PACSIN3: variants seen among roughly 807,000 people sequenced by gnomAD.
The protein encoded by PACSIN3 is protein kinase C and casein kinase substrate in neurons 3, also known as protein kinase C and casein kinase substrate in neurons protein 3.
PACSIN3 carries 34 observed loss-of-function variants against 56.1 expected under a neutral mutation model. The observed-to-expected ratio is 0.61, with a 90% CI of 0.46 to 0.81. The LOEUF (loss-of-function observed/expected upper bound fraction) is 0.81. PACSIN3 is among the 30% of genes least tolerant of loss of function. The probability of loss-of-function intolerance (pLI) is 0.00; values close to 1 mark genes in which losing one functional copy is unlikely to be tolerated. For synonymous variants in PACSIN3, 218 were observed against 229.8 expected (o/e 0.95, Z 0.46); for missense variants, 535 against 592.4 (o/e 0.90, Z 1.01).
chr11:47,180,526 A>G lies in PACSIN3; in HGVS notation c.376T>C (p.Phe126Leu), dbSNP rs763415692. The G allele has an allele frequency of 1.3e-5, 21 of 1,603,798 alleles. No homozygotes were observed. The highest frequency in any genetic ancestry group is 1.8e-5 in the Non-Finnish European group (21 of 1,179,264). Residue 126 changes from phenylalanine to leucine, a missense_variant, in exon 5 of 11, where the codon TTC becomes CTC. Phe to Leu is a conservative substitution (Grantham distance 22, BLOSUM62 0). Coordinates refer to ENST00000298838, the MANE Select transcript of PACSIN3 (RefSeq NM_016223.5). ...GAFHRPVLGGFRESRAAEDGF... is the reference protein window; with the variant it reads ...GAFHRPVLGGLRESRAAEDGF... ...TCCTCGGCCGCCCGGCTCTCGCGGAAGCCGCCCAGCACAGGCCGGTGGAAA... is the reference window on the plus strand; with the variant it reads ...TCCTCGGCCGCCCGGCTCTCGCGGAGGCCGCCCAGCACAGGCCGGTGGAAA...
At position 47,179,377 on chromosome 11, in the gene PACSIN3, C is replaced by A. The variant is rs746976937; in HGVS notation, c.779+34G>T. ...GGGAGATGGAGGAGACCCAGTACTA[C>A]CCCAGATCTCCATGCCCACCAGGCA... On this transcript the variant is annotated intron_variant, in intron 7 of 10. Coordinates refer to ENST00000298838, the MANE Select transcript of PACSIN3 (RefSeq NM_016223.5). The surrounding 1 kb of genome is among the most constrained non-coding windows in gnomAD (Gnocchi z 4.4). 5.6e-6 allele frequency: 9 copies of A among 1,613,390 alleles called. No homozygotes were observed. In the South Asian group the frequency reaches 9.9e-5, roughly 18 times the overall value.
Position 47,179,057 on chromosome 11 carries a change from T to C in PACSIN3, c.901-27A>G. Reference sequence around the variant, plus strand: ...TGTGGGGACAGTGCTTATAGTCAGGTGGGGCCATCTGAACCACCTTCACTT... The same window carrying C: ...TGTGGGGACAGTGCTTATAGTCAGGCGGGGCCATCTGAACCACCTTCACTT... On this transcript the variant is annotated intron_variant, in intron 8 of 10. Transcript: ENST00000298838. This position sits in a 1 kb window ranked among gnomAD's most constrained non-coding sequence, Gnocchi z 4.4. The C allele has an allele frequency of 6.2e-7, 1 of 1,614,056 alleles. No homozygotes were observed. The highest frequency in any genetic ancestry group is 8.5e-7 in the Non-Finnish European group (1 of 1,179,998).
chr11:47,182,425 C>G lies in PACSIN3; in HGVS notation c.189G>C (p.Lys63Asn), dbSNP rs372225317. 2 of 1,600,108 alleles carry G rather than the reference C, an allele frequency of 1.2e-6. No homozygotes were observed. Among genetic ancestry groups the G allele is most frequent in the African/African-American group, 2.7e-5 (2 of 74,914 alleles). Residue 63 changes from lysine (K) to asparagine (N), a missense_variant, in exon 4 of 11, where the codon AAG becomes AAC. Lys to Asn is a moderately conservative substitution (Grantham distance 94). Coordinates refer to ENST00000298838, the MANE Select transcript of PACSIN3 (RefSeq NM_016223.5). ...YAQQLADWARKWRGTVEKGPQ... is the reference protein window; with the variant it reads ...YAQQLADWARNWRGTVEKGPQ... ...CACCCTTCTCCACGGTCCCCCTCCA[C>G]TTTCGGGCCCAGTCAGCCAACTGCT... is the stretch of plus-strand genomic sequence containing the variant.
chr11:47,179,675 T>C lies in PACSIN3; in HGVS notation c.604-89A>G. On this transcript the variant is annotated intron_variant, in intron 6 of 10. Transcript: ENST00000298838. This position sits in a 1 kb window ranked among gnomAD's most constrained non-coding sequence, Gnocchi z 4.4. ...TTTACCAGACACTGCCATAGGCTGCTAGACCCAGGGCTAGCCACTAGGGGC... is the reference window on the plus strand; with the variant it reads ...TTTACCAGACACTGCCATAGGCTGCCAGACCCAGGGCTAGCCACTAGGGGC... The C allele has an allele frequency of 7.4e-7, 1 of 1,349,520 alleles. No individual in the cohort carries two copies. Among genetic ancestry groups the C allele is most frequent in the Non-Finnish European group, 1.0e-6 (1 of 986,038 alleles). 83.6% of individuals were successfully genotyped at this position (1,349,520 alleles called of 1,614,324 possible). A position where few individuals can be genotyped will look rare whatever the true frequency, so the allele number is the denominator to read the frequency against.
intron 1 of PACSIN3, chr11:47,184,337 TCTC>T (rs1194852518): frequency 6.6e-6 from 1 of 151,678 alleles, no homozygotes; most frequent in African/African-American, 2.4e-5. Context: ...TAAGGCATCT[TCTC>T]CTCAGTCACT....
chr11:47,181,421 C>T (rs1422799606), intron 4 of PACSIN3, among the ~76,000 whole-genome samples: 1 of 152,226 alleles, frequency 6.6e-6, no homozygotes, highest in Non-Finnish European at 1.5e-5. Flanking sequence ...CTGGGCTCAA[C>T]CTTCAGCACT....
chr11:47,179,089 T>G lies in PACSIN3; in HGVS notation c.901-59A>C, dbSNP rs1463718355. On this transcript the variant is annotated intron_variant, in intron 8 of 10. Coordinates refer to ENST00000298838, the MANE Select transcript of PACSIN3 (RefSeq NM_016223.5). This position sits in a 1 kb window ranked among gnomAD's most constrained non-coding sequence, Gnocchi z 4.4. ...ATCTGAACCACCTTCACTTACTTCA[T>G]CCCTAGCCCTGGCCGAGCTGAGTGG... 10 of 1,613,788 alleles carry G rather than the reference T, an allele frequency of 6.2e-6. No homozygotes were observed. The Admixed American group carries it at 1.5e-4, about 24-fold the overall frequency.
In PACSIN3 at chr11:47,180,307, C is replaced by T. The variant is rs769475779; in HGVS notation, c.482G>A (p.Arg161Gln). 75 of 1,602,644 alleles carry T rather than the reference C, an allele frequency of 4.7e-5. No homozygotes were observed. The highest frequency in any genetic ancestry group is 6.2e-5 in the Non-Finnish European group (73 of 1,179,982). The part of the protein sequence containing the change: ...EASKKSYHAA[R>Q]KDEKTAQTRE... The stretch of plus-strand genomic sequence containing the variant: ...CGTCTGGGCGGTCTTCTCATCCTTC[C>T]GGGCTGCGTGGTAGCTTTTCTTGGA... Residue 161 changes from arginine to glutamine, a missense_variant, in exon 6 of 11, where the codon CGG (arginine) becomes CAG (glutamine). Transcript: ENST00000298838.
intron 1 of PACSIN3, among the ~76,000 whole-genome samples, chr11:47,184,815 C>T (rs1953089679): frequency 6.6e-6 from 1 of 152,208 alleles, no homozygotes; most frequent in African/African-American, 2.4e-5. Flanking sequence ...CCTCAGGAGC[C>T]TGGGGCCCCT....
In PACSIN3 at chr11:47,178,820, G is replaced by A; in HGVS notation, c.1037+74C>T. 1 of 1,566,620 alleles carries A rather than the reference G, an allele frequency of 6.4e-7. No homozygotes were observed. Among genetic ancestry groups the A allele is most frequent in the Non-Finnish European group, 8.7e-7 (1 of 1,149,576 alleles). ...AACCCATTTCAGGTGTGAAAGAAAT[G>A]AAACCAAGGAGAAAGGAAAGGAGGG... On this transcript the variant is annotated intron_variant, in intron 9 of 10. Transcript: ENST00000298838. This position sits in a 1 kb window ranked among gnomAD's most constrained non-coding sequence, Gnocchi z 4.2.
At chr11:47,181,301 A>G (rs1295086491) in intron 4 of PACSIN3, among the ~76,000 whole-genome samples, 2 of 149,950 alleles carry the variant, frequency 1.3e-5, no homozygotes, top group African/African-American at 5.1e-5. Context: ...ATTCAAACCC[A>G]TCTCTGTTGT....
intron 4 of PACSIN3, among the ~76,000 whole-genome samples, chr11:47,181,082 G>A (rs1953015105): frequency 6.6e-6 from 1 of 152,062 alleles, no homozygotes; most frequent in Non-Finnish European, 1.5e-5. Context: ...CTAACACGGT[G>A]AAACCCTGTC....
Position 47,179,869 on chromosome 11 carries a change from A to C in PACSIN3, c.604-283T>G. On this transcript the variant is annotated intron_variant, in intron 6 of 10. Coordinates refer to ENST00000298838, the MANE Select transcript of PACSIN3 (RefSeq NM_016223.5). The surrounding 1 kb of genome is among the most constrained non-coding windows in gnomAD (Gnocchi z 4.4). ...GCTTCCTGGAGGAGGTGGAAACTGC[A>C]GCATCTCAGGATGGGGAGGATTTGC... 1.8e-6 allele frequency: 1 copy of C among 560,300 alleles called. No individual in the cohort carries two copies. Among genetic ancestry groups the C allele is most frequent in the Non-Finnish European group, 3.2e-6 (1 of 316,758 alleles). 34.7% of individuals were successfully genotyped at this position (560,300 alleles called of 1,614,324 possible).
chr11:47,179,222 C>T lies in PACSIN3; in HGVS notation c.837G>A (p.Glu279=), dbSNP rs745750554. The change falls in exon 8 of 11, where the codon GAG becomes GAA. Residue 279 remains glutamate, a synonymous_variant. Transcript: ENST00000298838. The surrounding 1 kb of genome is among the most constrained non-coding windows in gnomAD (Gnocchi z 4.4). Reference sequence around the variant, plus strand: ...GGGTGCTGCGCCACCAGCGCAGATCCTCTTCGTCACTGGCTGCCTCAATGC... The same window carrying T: ...GGGTGCTGCGCCACCAGCGCAGATCTTCTTCGTCACTGGCTGCCTCAATGC... ...HQGIEAASDE[E]DLRWWRSTHG... 6.2e-7 allele frequency: 1 copy of T among 1,614,084 alleles called. No individual in the cohort carries two copies. Among genetic ancestry groups the T allele is most frequent in the Non-Finnish European group, 8.5e-7 (1 of 1,180,038 alleles).
At chr11:47,185,458 G>GT (rs1006317540) in intron 1 of PACSIN3, 3 of 129,728 alleles carry the variant, frequency 2.3e-5, no homozygotes, top group African/African-American at 9.9e-5. Flanking sequence ...AGGACAGAGC[G>GT]GGGGGGAGGG....
chr11:47,182,433 C>T lies in PACSIN3; in HGVS notation c.181G>A (p.Ala61Thr), dbSNP rs1442747406. The change falls in exon 4 of 11, where the codon GCC (alanine) becomes ACC (threonine). Residue 61 changes from alanine to threonine, a missense_variant. Transcript: ENST00000298838. ...TCCACGGTCCCCCTCCACTTTCGGG[C>T]CCAGTCAGCCAACTGCTGGGCATAA... ...KAYAQQLADW[A>T]RKWRGTVEKG... 1.2e-6 allele frequency: 2 copies of T among 1,600,882 alleles called. No homozygotes were observed. Among genetic ancestry groups the T allele is most frequent in the Admixed American group, 1.7e-5 (1 of 59,976 alleles).
At position 47,177,805 on chromosome 11, in the gene PACSIN3, TCCTC is replaced by T. The variant is rs1952910461; in HGVS notation, c.*122_*125del. ...CCTCCCCTCCCTGGGTCCCAGGACT[TCCTC>T]CCTCAAGGGACAGAGGAGCAGCCAG... On this transcript the variant is annotated 3_prime_UTR_variant, in exon 11 of 11. Transcript: ENST00000298838. 6 of 751,172 alleles carry T rather than the reference TCCTC, an allele frequency of 8.0e-6. No individual in the cohort carries two copies. Among genetic ancestry groups the T allele is most frequent in the Non-Finnish European group, 1.4e-5 (6 of 435,058 alleles). The allele number at this position is 751,172 out of a possible 1,614,324, so 46.5% of individuals were successfully genotyped here.
chr11:47,184,709 G>A (rs1953087585), intron 1 of PACSIN3, among the ~76,000 whole-genome samples: 1 of 152,206 alleles, frequency 6.6e-6, no homozygotes, highest in South Asian at 2.1e-4. Flanking sequence ...TCCCTCTGCA[G>A]TGTGTCCTGT....
Position 47,177,844 on chromosome 11 carries a change from G to T in PACSIN3, c.*87C>A, listed in dbSNP as rs61897849. On this transcript the variant is annotated 3_prime_UTR_variant, in exon 11 of 11. Transcript: ENST00000298838. ...ACAGAGGAGCAGCCAGAGAGCGACG[G>T]TTCAGGGCCCTGAGGGTCCGGCTCT... 2 of 1,039,230 alleles carry T rather than the reference G, an allele frequency of 1.9e-6. No homozygotes were observed. The highest frequency in any genetic ancestry group is 3.0e-6 in the Non-Finnish European group (2 of 665,034). 64.4% of individuals were successfully genotyped at this position (1,039,230 alleles called of 1,614,324 possible).
Sources: gnomAD v4.1 joint callset for allele counts (sites outside exome capture counted in the v4.1 genomes callset) on GRCh38, gnomAD v4.1.1 for gene constraint, Gnocchi (gnomAD v3.1) non-coding constraint, MANE v1.5 for transcripts, NCBI Gene and HGNC (gene_info 2026-07-23, HGNC 2026-07-21) for gene names.